ERCC4: variants seen among roughly 807,000 people sequenced by gnomAD.
ERCC4 encodes the protein ERCC excision repair 4, endonuclease catalytic subunit.
Under a neutral mutation model 76.9 loss-of-function variants are expected in ERCC4, and 65 were observed. That is an observed-to-expected ratio of 0.84 (90% CI 0.69 to 1.04). The LOEUF (loss-of-function observed/expected upper bound fraction) is 1.04. Among genes scored for constraint, ERCC4 ranks in the 50% least tolerant of loss-of-function variants. ERCC4 has a pLI of 0.00. For synonymous variants in ERCC4, 463 were observed against 410.1 expected (o/e 1.13, Z -1.56); for missense variants, 1,214 against 1,128.2 (o/e 1.08, Z -1.09).
chr16:13,934,211 C>A lies in ERCC4; in HGVS notation c.1122C>A (p.Val374=). The change falls in exon 7 of 11, where the codon GTC becomes GTA. Residue 374 remains valine (V), a synonymous_variant. Transcript: ENST00000311895. ...CTACAGAAACAAAAAAGGAACTGGT[C>A]CTAGAAAGCAACCCAAAGTGGGAGG... is the stretch of plus-strand genomic sequence containing the variant. The part of the protein sequence containing the change: ...KEGEETKKEL[V]LESNPKWEAL... 6.2e-7 allele frequency: 1 copy of A among 1,610,984 alleles called. No homozygotes were observed. The highest frequency in any genetic ancestry group is 1.1e-5 in the South Asian group (1 of 90,980).
Position 13,922,391 on chromosome 16 carries a change from G to A in ERCC4, c.388+180G>A. On this transcript the variant is annotated intron_variant, in intron 2 of 10. Transcript: ENST00000311895. ...CCCACAGGTCTAAATCTGGGTGGGG[G>A]TGTTCGGTCCTTGCAGGCTTCACAA... 7.9e-6 allele frequency: 6 copies of A among 760,166 alleles called. No homozygotes were observed. The Admixed American group carries it at 1.0e-4, about 13-fold the overall frequency. The allele number at this position is 760,166 out of a possible 1,614,324, so 47.1% of individuals were successfully genotyped here.
chr16:13,926,447 GC>G, intron 2 of ERCC4, 113 bp from the exon 3 acceptor site: 1 of 880,838 alleles, frequency 1.1e-6, no homozygotes. Flanking sequence ...GTGGCTATAT[GC>G]CCAGTCTAGA....
At chr16:13,930,546 A>G in intron 4 of ERCC4, 164 bp from the exon 5 acceptor site, 1 of 601,414 alleles carries the variant, frequency 1.7e-6, no homozygotes, top group Non-Finnish European at 2.9e-6. Flanking sequence ...TTCCTTGAAT[A>G]ATGCTTGCAG....
rs1407398173 is a variant in ERCC4 at position 13,948,261 on chromosome 16, G to A, written c.2665G>A (p.Gly889Arg). 6.2e-7 allele frequency: 1 copy of A among 1,614,042 alleles called. No homozygotes were observed. Among genetic ancestry groups the A allele is most frequent in the Non-Finnish European group, 8.5e-7 (1 of 1,180,008 alleles). Residue 889 changes from glycine to arginine, a missense_variant, in exon 11 of 11, where the codon GGG becomes AGG. Transcript: ENST00000311895. The stretch of plus-strand genomic sequence containing the variant: ...ACAAGACGAGCTCACGAGTATTCTG[G>A]GGAATGCTGCAAATGCCAAACAGCT... ...LSQDELTSIL[G>R]NAANAKQLYD... is the part of the protein sequence containing the mutation.
chr16:13,952,268 A>C lies in ERCC4; in HGVS notation c.*3921A>C, dbSNP rs773246781. On this transcript the variant is annotated 3_prime_UTR_variant, in exon 11 of 11. Coordinates refer to ENST00000311895, the MANE Select transcript of ERCC4 (RefSeq NM_005236.3). ...AAGGGCATATATTACCAGCAGTAAT[A>C]ATTCAAAATCCTGAAAATGTTTCAT... 1 of 186,226 alleles carries C rather than the reference A, an allele frequency of 5.4e-6. No homozygotes were observed. Among genetic ancestry groups the C allele is most frequent in the Non-Finnish European group, 1.1e-5 (1 of 88,190 alleles). The allele number at this position is 186,226 out of a possible 1,614,324, so 11.5% of individuals were successfully genotyped here. A position where few individuals can be genotyped will look rare whatever the true frequency, so the allele number is the denominator to read the frequency against.
chr16:13,934,144 A>G (rs2032236994), intron 6 of ERCC4, 48 bp from the exon 7 acceptor site: 2 of 1,256,272 alleles, frequency 1.6e-6, no homozygotes, highest in East Asian at 4.6e-5. Flanking sequence ...GGAAGACTTT[A>G]TGGGTAAATA....
chr16:13,948,080 A>G lies in ERCC4; in HGVS notation c.2484A>G (p.Ala828=). ...QSKPQPDAAT[A]LAITADSETL... is the part of the protein sequence containing the mutation. The stretch of plus-strand genomic sequence containing the variant: ...AGCCACAGCCTGATGCGGCGACAGC[A>G]CTGGCCATTACAGCAGATTCTGAAA... The change falls in exon 11 of 11, where the codon GCA becomes GCG. Residue 828 remains alanine (A), a synonymous_variant. Coordinates refer to ENST00000311895, the MANE Select transcript of ERCC4 (RefSeq NM_005236.3). The G allele has an allele frequency of 6.2e-7, 1 of 1,614,190 alleles. No individual in the cohort carries two copies. The highest frequency in any genetic ancestry group is 8.5e-7 in the Non-Finnish European group (1 of 1,180,032).
At position 13,948,672 on chromosome 16, in the gene ERCC4, A is replaced by G. The variant is rs1005656572; in HGVS notation, c.*325A>G. ...ACTTTACCTGATCCTAACAGATCTC[A>G]TTTAGAAAGGAATATGCTAAGCCTG... On this transcript the variant is annotated 3_prime_UTR_variant, in exon 11 of 11. Transcript: ENST00000311895. 1.8e-5 allele frequency: 6 copies of G among 334,336 alleles called. No homozygotes were observed. The Admixed American group carries it at 2.2e-4, about 12-fold the overall frequency. The allele number at this position is 334,336 out of a possible 1,614,324, so 20.7% of individuals were successfully genotyped here.
At chr16:13,935,839 T>A in intron 8 of ERCC4, 96 bp downstream of exon 8, 1 of 938,438 alleles carries the variant, frequency 1.1e-6, no homozygotes, top group Non-Finnish European at 1.7e-6. Flanking sequence ...TTAATATCCG[T>A]TACGATGCTG....
At chr16:13,922,973 T>G (rs2032006917) in intron 2 of ERCC4, among the ~76,000 whole-genome samples, 2 of 152,274 alleles carry the variant, frequency 1.3e-5, no homozygotes, top group African/African-American at 4.8e-5. Context: ...TTGAAATGTT[T>G]ATAAATAATC....
At position 13,948,452 on chromosome 16, in the gene ERCC4, A is replaced by T; in HGVS notation, c.*105A>T. ...TTGGTTTGCTATTTCATTCTTTTCC[A>T]ATGCTCTTAATGATTGTACGGTGGA... On this transcript the variant is annotated 3_prime_UTR_variant, in exon 11 of 11. Coordinates refer to ENST00000311895, the MANE Select transcript of ERCC4 (RefSeq NM_005236.3). 1 of 1,322,144 alleles carries T rather than the reference A, an allele frequency of 7.6e-7. No homozygotes were observed. Among genetic ancestry groups the T allele is most frequent in the South Asian group, 1.2e-5 (1 of 83,858 alleles). The allele number at this position is 1,322,144 out of a possible 1,614,324, so 81.9% of individuals were successfully genotyped here.
chr16:13,932,149 C>A lies in ERCC4; in HGVS notation c.974-8C>A. The A allele has an allele frequency of 1.9e-6, 3 of 1,611,916 alleles. No individual in the cohort carries two copies. The highest frequency in any genetic ancestry group is 2.5e-6 in the Non-Finnish European group (3 of 1,178,240). ...GATGGCACTTTTTCTTTTAACTTTT[C>A]GTATTAGGTTGGCTGTTTCTTGACT... On this transcript the variant is annotated splice_region_variant and splice_polypyrimidine_tract_variant and intron_variant, in intron 5 of 10. Coordinates refer to ENST00000311895, the MANE Select transcript of ERCC4 (RefSeq NM_005236.3).
intron 9 of ERCC4, among the ~76,000 whole-genome samples, chr16:13,938,105 T>C (rs2141610781): frequency 6.6e-6 from 1 of 152,228 alleles, no homozygotes; most frequent in African/African-American, 2.4e-5. Flanking sequence ...ATATTAGAAA[T>C]GTGACAAAGA....
In ERCC4 at chr16:13,920,169, G is replaced by T; in HGVS notation, c.4G>T (p.Glu2Ter). The T allele has an allele frequency of 6.2e-7, 1 of 1,605,120 alleles. No homozygotes were observed. Residue 2 changes from glutamate to a stop codon, truncating the protein, a stop_gained, in exon 1 of 11, where the codon GAG becomes TAG. Coordinates refer to ENST00000311895, the MANE Select transcript of ERCC4 (RefSeq NM_005236.3). LOFTEE classifies it high-confidence loss of function. ...GCTGCGACCCGGAAGAGCTTCCATG[G>T]AGTCAGGGCAGCCGGCTCGACGGAT... M[E>*]SGQPARRIAM...
intron 1 of ERCC4, 83 bp from the exon 2 acceptor site, chr16:13,921,948 C>T (rs2031984562): frequency 2.4e-6 from 2 of 840,354 alleles, no homozygotes; most frequent in Non-Finnish European, 2.0e-6. Flanking sequence ...CAGAGAAAGA[C>T]AGCACATTAT....
Position 13,935,673 on chromosome 16 carries a change from T to C in ERCC4, c.1741T>C (p.Tyr581His), listed in dbSNP as rs2032274932. ...HEVEPRYVVL[Y>H]DAELTFVRQL... ...AGTGGAGCCAAGATACGTGGTTCTT[T>C]ATGACGCAGAGCTAACCTTTGTTCG... Residue 581 changes from tyrosine to histidine, a missense_variant, in exon 8 of 11, where the codon TAT becomes CAT. Physicochemically the swap from Tyr to His is moderately conservative, Grantham distance 83. Transcript: ENST00000311895. 7 of 1,614,152 alleles carry C rather than the reference T, an allele frequency of 4.3e-6. No individual in the cohort carries two copies. The highest frequency in any genetic ancestry group is 5.9e-6 in the Non-Finnish European group (7 of 1,180,030).
At position 13,949,231 on chromosome 16, in the gene ERCC4, G is replaced by C. The variant is rs1463213633; in HGVS notation, c.*884G>C. The C allele has an allele frequency of 8.6e-6, 2 of 233,164 alleles. No homozygotes were observed. The highest frequency in any genetic ancestry group is 1.7e-5 in the Non-Finnish European group (2 of 118,076). The allele number at this position is 233,164 out of a possible 1,614,324, so 14.4% of individuals were successfully genotyped here. On this transcript the variant is annotated 3_prime_UTR_variant, in exon 11 of 11. Coordinates refer to ENST00000311895, the MANE Select transcript of ERCC4 (RefSeq NM_005236.3). ...ACATATTCAGTCTCCTAATATCAGA[G>C]ATCCCTAAGTCCAGCTGGCTAGTTA...
chr16:13,942,178 C>G (rs1230552928), intron 9 of ERCC4, among the ~76,000 whole-genome samples: 1 of 152,210 alleles, frequency 6.6e-6, no homozygotes. Context: ...TGTTTTGTGT[C>G]TGTCACATAG....
intron 9 of ERCC4, among the ~76,000 whole-genome samples, chr16:13,941,472 T>G (rs2032412396): frequency 6.6e-6 from 1 of 152,186 alleles, no homozygotes; most frequent in South Asian, 2.1e-4. Flanking sequence ...GAGAAAAATT[T>G]AATATGAAGA....
Sources: allele counts gnomAD v4.1 joint callset (sites outside exome capture counted in the v4.1 genomes callset), GRCh38; gene constraint gnomAD v4.1.1; transcripts MANE v1.5; gene names NCBI Gene and HGNC (gene_info 2026-07-23, HGNC 2026-07-21).